The following NCEH1 variants were observed in gnomAD, a reference collection of about 807,000 sequenced individuals.
NCEH1 encodes neutral cholesterol ester hydrolase 1, also known as 2-acetyl MAGE hydrolase.
A neutral mutation model predicts 25.4 loss-of-function variants in NCEH1; 9 were observed. The ratio of observed to expected loss-of-function variants is 0.35; its 90% CI spans 0.21 to 0.62. The LOEUF is 0.62. Among genes scored for constraint, NCEH1 ranks in the 20% least tolerant of loss-of-function variants. The probability of loss-of-function intolerance (pLI) is 0.72; values close to 1 mark genes in which losing one functional copy is unlikely to be tolerated. For missense variants in NCEH1, 412 were observed against 501.1 expected (o/e 0.82, Z 1.70); for synonymous variants, 200 against 199.8 (o/e 1.00, Z -0.01).
At position 172,696,643 on chromosome 3, in the gene NCEH1, C is replaced by T. The variant is rs192880030; in HGVS notation, c.138+14204G>A. Among the ~76,000 whole-genome samples, 256 of 152,238 alleles carry T rather than the reference C, an allele frequency of 1.7e-3. 2 individuals carry two copies. Among genetic ancestry groups the T allele is most frequent in the South Asian group, 3.3e-3 (16 of 4,824 alleles). ...TCACACAGCTAGGATAGCTCAAAGC[C>T]GGGATTTGAACACAAGTCTCCTCGA... is the stretch of plus-strand genomic sequence containing the variant. On this transcript the variant is annotated intron_variant, in intron 1 of 4. Transcript: ENST00000475381.
At chr3:172,701,516 C>A (rs1004447034) in intron 1 of NCEH1, among the ~76,000 whole-genome samples, 1 of 139,806 alleles carries the variant, frequency 7.2e-6, no homozygotes, top group Non-Finnish European at 1.5e-5. Context: ...GTGGTGCAAT[C>A]TTGGCTGACT....
chr3:172,640,224 C>T (rs1716787572), intron 3 of NCEH1, among the ~76,000 whole-genome samples: 1 of 152,184 alleles, frequency 6.6e-6, no homozygotes, highest in Admixed American at 6.5e-5. Context: ...AGCCTCACTC[C>T]TTTTCCAGCT....
intron 1 of NCEH1, 70 bp from the exon 2 acceptor site, chr3:172,648,184 C>G (rs1717212329): frequency 6.4e-7 from 1 of 1,560,104 alleles, no homozygotes; most frequent in African/African-American, 1.4e-5. Flanking sequence ...CTGCCCTCAC[C>G]AACTGAGTGT....
At chr3:172,647,862 C>A (rs1183529925) in intron 2 of NCEH1, 24 bp downstream of exon 2, 1 of 1,613,128 alleles carries the variant, frequency 6.2e-7, no homozygotes, top group Admixed American at 1.7e-5. Flanking sequence ...AACAACAAAC[C>A]ATCTGAAGGT....
chr3:172,651,374 T>G (rs1334733852), intron 1 of NCEH1, among the ~76,000 whole-genome samples: 1 of 152,162 alleles, frequency 6.6e-6, no homozygotes, highest in African/African-American at 2.4e-5. Context: ...CTAACTTTTT[T>G]TTTACTCAAA....
chr3:172,700,259 T>C (rs1165869149), intron 1 of NCEH1, among the ~76,000 whole-genome samples: 1 of 152,182 alleles, frequency 6.6e-6, no homozygotes, highest in Non-Finnish European at 1.5e-5. Flanking sequence ...CTCATACAGA[T>C]TTCCCCAAAA....
At chr3:172,637,480 C>T (rs949144143) in intron 3 of NCEH1, among the ~76,000 whole-genome samples, 3 of 152,116 alleles carry the variant, frequency 2.0e-5, no homozygotes, top group East Asian at 1.9e-4. Flanking sequence ...GGGCTGAGAG[C>T]GGTGGCTCAC....
At chr3:172,650,313 G>C (rs1047953024) in intron 1 of NCEH1, among the ~76,000 whole-genome samples, 2 of 152,014 alleles carry the variant, frequency 1.3e-5, no homozygotes, top group African/African-American at 4.8e-5. Context: ...GACCAGCCTG[G>C]CCAACATGGT....
intron 3 of NCEH1, among the ~76,000 whole-genome samples, chr3:172,641,232 T>TAGATAAA (rs1553827976): frequency 6.6e-6 from 1 of 151,560 alleles, no homozygotes; most frequent in Admixed American, 6.6e-5. Flanking sequence ...CTGCAAATCT[T>TAGATAAA]AGATAAACAC....
At chr3:172,653,765 T>TTTTTTTTTTTTTTTTTTTTTTG (rs1717556500) in intron 1 of NCEH1, among the ~76,000 whole-genome samples, 1 of 134,382 alleles carries the variant, frequency 7.4e-6, no homozygotes, top group African/African-American at 3.0e-5. Context: ...TTTTTGTTTT[T>TTTTTTTTTTTTTTTTTTTTTTG]TTTTTTTTTT....
intron 3 of NCEH1, among the ~76,000 whole-genome samples, chr3:172,640,826 C>A (rs1716816378): frequency 6.6e-6 from 1 of 151,170 alleles, no homozygotes; most frequent in Admixed American, 6.6e-5. Context: ...CTTTAAGAGA[C>A]AGTCTTGCTC....
chr3:172,650,632 G>A (rs1281900039), intron 1 of NCEH1, among the ~76,000 whole-genome samples: 2 of 145,850 alleles, frequency 1.4e-5, no homozygotes, highest in African/African-American at 5.1e-5. Context: ...CTGGGCGACA[G>A]AGTGAGACTC....
chr3:172,707,608 C>T (rs911775448), intron 1 of NCEH1, among the ~76,000 whole-genome samples: 2 of 152,082 alleles, frequency 1.3e-5, no homozygotes, highest in African/African-American at 2.4e-5. Context: ...TTTTTTGAGA[C>T]GGAGTCTCAC....
intron 1 of NCEH1, among the ~76,000 whole-genome samples, chr3:172,700,315 A>G (rs1035737942): frequency 2.6e-4 from 40 of 152,174 alleles, no homozygotes; most frequent in African/African-American, 8.2e-4. Flanking sequence ...AATTGTTTCT[A>G]TGACACAAAA....
chr3:172,672,334 G>T (rs1300689811), intron 1 of NCEH1, among the ~76,000 whole-genome samples: 1 of 152,134 alleles, frequency 6.6e-6, no homozygotes, highest in African/African-American at 2.4e-5. Flanking sequence ...CCAAAGTGCT[G>T]GAATTACAGT....
intron 1 of NCEH1, among the ~76,000 whole-genome samples, chr3:172,706,889 C>A (rs1190566914): frequency 1.3e-5 from 2 of 152,156 alleles, no homozygotes; most frequent in East Asian, 3.8e-4. Flanking sequence ...TGCTTTTAGA[C>A]AAGTTCAACA....
At chr3:172,650,251 T>C (rs775154901) in intron 1 of NCEH1, among the ~76,000 whole-genome samples, 7 of 152,082 alleles carry the variant, frequency 4.6e-5, no homozygotes, top group Admixed American at 1.3e-4. Flanking sequence ...GCCTATAATC[T>C]CAGCACTTTG....
At position 172,705,099 on chromosome 3, in the gene NCEH1, T is replaced by G. The variant is rs1713903124; in HGVS notation, c.138+5748A>C. ...ACTAAAATATATATTGATATGCATA[T>G]GCACATCAGTTCCACTTTAGAAATA... On this transcript the variant is annotated intron_variant, in intron 1 of 4. Transcript: ENST00000475381. Among the ~76,000 whole-genome samples, 5 of 152,246 alleles carry G rather than the reference T, an allele frequency of 3.3e-5. No individual in the cohort carries two copies. In the South Asian group the frequency reaches 1.0e-3, roughly 31 times the overall value.
chr3:172,698,238 A>G (rs1018860333), intron 1 of NCEH1, among the ~76,000 whole-genome samples: 1 of 152,106 alleles, frequency 6.6e-6, no homozygotes, highest in Non-Finnish European at 1.5e-5. Flanking sequence ...CAGCCTCTCA[A>G]AGTGCTGGGA....
Sources: gnomAD v4.1 joint callset for allele counts (sites outside exome capture counted in the v4.1 genomes callset) on GRCh38, gnomAD v4.1.1 for gene constraint, MANE v1.5 for transcripts, NCBI Gene and HGNC (gene_info 2026-07-23, HGNC 2026-07-21) for gene names.